The following ERBB4 variants were observed in gnomAD, a reference collection of about 807,000 sequenced individuals.
The protein encoded by ERBB4 is receptor tyrosine-protein kinase erbB-4.
In ERBB4, 42 loss-of-function variants were observed where a neutral mutation model predicts 158.0. The observed-to-expected ratio is 0.27, with a 90% CI of 0.21 to 0.34. The LOEUF (loss-of-function observed/expected upper bound fraction) is 0.34, where lower values mean the gene tolerates loss of function less well. ERBB4 is among the 10% of genes least tolerant of loss of function. The probability of loss-of-function intolerance (pLI) is 1.00; values close to 1 mark genes in which losing one functional copy is unlikely to be tolerated. For missense variants in ERBB4, 1,333 were observed against 1,624.1 expected (o/e 0.82, Z 3.08); for synonymous variants, 583 against 558.7 (o/e 1.04, Z -0.61).
At chr2:212,242,018 T>C (rs773147088) in intron 1 of ERBB4, among the ~76,000 whole-genome samples, 27 of 152,090 alleles carry the variant, frequency 1.8e-4, no homozygotes, top group Non-Finnish European at 3.5e-4. Context: ...ATAAACATTT[T>C]TATACTAGGA....
chr2:211,725,978 T>C (rs1266117612), intron 5 of ERBB4, among the ~76,000 whole-genome samples: 1 of 152,170 alleles, frequency 6.6e-6, no homozygotes, highest in African/African-American at 2.4e-5. Flanking sequence ...AGGTATACTT[T>C]AGTAAAAGCA....
chr2:211,538,842 G>A (rs1297159501), intron 20 of ERBB4, among the ~76,000 whole-genome samples: 1 of 151,776 alleles, frequency 6.6e-6, no homozygotes. Flanking sequence ...TGTATGTTGT[G>A]GGACAGAAAA....
intron 18 of ERBB4, among the ~76,000 whole-genome samples, chr2:211,621,273 C>G (rs1331112888): frequency 6.6e-6 from 1 of 151,354 alleles, no homozygotes; most frequent in African/African-American, 2.4e-5. Flanking sequence ...AAAAATTTTA[C>G]TATCTGATAC....
chr2:211,481,885 G>T (rs1360888394), intron 20 of ERBB4, among the ~76,000 whole-genome samples: 1 of 152,042 alleles, frequency 6.6e-6, no homozygotes, highest in Non-Finnish European at 1.5e-5. Flanking sequence ...TTAAAAAACT[G>T]GAAAGAATAT....
At chr2:211,966,623 A>G (rs971581928) in intron 2 of ERBB4, among the ~76,000 whole-genome samples, 1 of 152,176 alleles carries the variant, frequency 6.6e-6, no homozygotes, top group Non-Finnish European at 1.5e-5. Context: ...TAATGTTAGA[A>G]AACACTCTAC....
chr2:211,461,199 T>G (rs78366066), intron 20 of ERBB4, among the ~76,000 whole-genome samples: 6,858 of 152,258 alleles, frequency 0.045, 182 homozygotes, highest in Admixed American at 0.067. Context: ...TTACTGTATA[T>G]TTTTTAAATT....
At chr2:211,897,524 T>C (rs973739289) in intron 3 of ERBB4, among the ~76,000 whole-genome samples, 32 of 151,872 alleles carry the variant, frequency 2.1e-4, no homozygotes, top group African/African-American at 7.3e-4. Flanking sequence ...CGTGCAAAAT[T>C]AGATTCATAT....
chr2:212,518,766 G>C (rs1026856609), intron 1 of ERBB4, among the ~76,000 whole-genome samples: 1 of 152,028 alleles, frequency 6.6e-6, no homozygotes, highest in African/African-American at 2.4e-5. Flanking sequence ...AATAAGTACT[G>C]TGTTGAGATA....
chr2:211,439,159 C>G (rs1384734652), intron 20 of ERBB4, among the ~76,000 whole-genome samples: 1 of 152,128 alleles, frequency 6.6e-6, no homozygotes, highest in Admixed American at 6.5e-5. Context: ...GATATTGACA[C>G]TCCAATGCTC....
chr2:211,497,595 G>C (rs1208894908), intron 20 of ERBB4, among the ~76,000 whole-genome samples: 2 of 152,078 alleles, frequency 1.3e-5, no homozygotes, highest in African/African-American at 4.8e-5. Context: ...TTTTCTAAGA[G>C]AACAGTACCA....
At chr2:211,954,372 A>G (rs1281650188) in intron 2 of ERBB4, among the ~76,000 whole-genome samples, 1 of 152,058 alleles carries the variant, frequency 6.6e-6, no homozygotes, top group Non-Finnish European at 1.5e-5. Flanking sequence ...CATCAAATCC[A>G]TGTTTATTAC....
At chr2:212,157,341 T>C (rs2081070319) in intron 1 of ERBB4, among the ~76,000 whole-genome samples, 1 of 152,082 alleles carries the variant, frequency 6.6e-6, no homozygotes, top group Non-Finnish European at 1.5e-5. Flanking sequence ...GGCCTAGTAT[T>C]CAATACTTAC....
At chr2:211,650,760 T>C (rs1426499961) in intron 16 of ERBB4, among the ~76,000 whole-genome samples, 1 of 152,138 alleles carries the variant, frequency 6.6e-6, no homozygotes, top group Non-Finnish European at 1.5e-5. Context: ...GAAGATGAAA[T>C]TAATTGTATT....
intron 1 of ERBB4, among the ~76,000 whole-genome samples, chr2:212,456,296 C>T (rs2106045863): frequency 6.6e-6 from 1 of 152,174 alleles, no homozygotes; most frequent in South Asian, 2.1e-4. Context: ...TGATGTATTT[C>T]ACTTTTATCA....
At chr2:211,987,950 C>T (rs1029249368) in intron 2 of ERBB4, among the ~76,000 whole-genome samples, 1 of 152,102 alleles carries the variant, frequency 6.6e-6, no homozygotes, top group Non-Finnish European at 1.5e-5. Context: ...TTTCTAAGAG[C>T]TATACCTTTC....
At chr2:211,426,999 C>G (rs898533519) in intron 22 of ERBB4, among the ~76,000 whole-genome samples, 2 of 151,998 alleles carry the variant, frequency 1.3e-5, no homozygotes, top group African/African-American at 2.4e-5. Context: ...AGCATTTCCA[C>G]TACATTTGTC....
intron 4 of ERBB4, among the ~76,000 whole-genome samples, chr2:211,784,113 G>C (rs1156358184): frequency 2.0e-5 from 3 of 152,162 alleles, no homozygotes; most frequent in Non-Finnish European, 4.4e-5. Flanking sequence ...TAAAAAAAGA[G>C]AACATAATAT....
At chr2:211,404,408 G>C (rs931110609) in intron 25 of ERBB4, among the ~76,000 whole-genome samples, 1 of 151,996 alleles carries the variant, frequency 6.6e-6, no homozygotes, top group African/African-American at 2.4e-5. Flanking sequence ...ACACAGCCCT[G>C]CTCTTCTCCC....
intron 2 of ERBB4, among the ~76,000 whole-genome samples, chr2:212,061,546 T>C (rs1165541037): frequency 6.7e-6 from 1 of 149,634 alleles, no homozygotes; most frequent in African/African-American, 2.5e-5. Context: ...TGGCATTCAT[T>C]ACACTTCAAT....
Sources: gnomAD v4.1 joint callset for allele counts (sites outside exome capture counted in the v4.1 genomes callset) on GRCh38, gnomAD v4.1.1 for gene constraint, MANE v1.5 for transcripts, NCBI Gene and HGNC (gene_info 2026-07-23, HGNC 2026-07-21) for gene names.